DCDC1: variants seen among roughly 807,000 people sequenced by gnomAD.
The protein encoded by DCDC1 is doublecortin domain containing 1.
Under a neutral mutation model 178.3 loss-of-function variants are expected in DCDC1, and 200 were observed. That is an observed-to-expected ratio of 1.12 (90% CI 1.00 to 1.26). DCDC1 has a LOEUF of 1.26. Among genes scored for constraint, DCDC1 ranks in the 50% most tolerant of loss-of-function variants. DCDC1 has a pLI of 0.00. For missense variants in DCDC1, 1,983 were observed against 1,749.2 expected (o/e 1.13, Z -2.38); for synonymous variants, 690 against 604.8 (o/e 1.14, Z -2.07).
chr11:31,328,945 CTTTTTT>C (rs1176942329), intron 2 of DCDC1, among the ~76,000 whole-genome samples: 5 of 47,800 alleles, frequency 1.0e-4, no homozygotes, highest in African/African-American at 1.5e-4. Context: ...CACCACAAGG[CTTTTTT>C]TTTTTTTTTT....
At chr11:30,890,014 G>C (rs957601051) in intron 36 of DCDC1, among the ~76,000 whole-genome samples, 5 of 152,142 alleles carry the variant, frequency 3.3e-5, no homozygotes, top group African/African-American at 9.7e-5. Context: ...GAGACGCCAG[G>C]GTTCTTTCTC....
intron 11 of DCDC1, among the ~76,000 whole-genome samples, chr11:31,126,006 AC>A (rs2135925177): frequency 6.6e-6 from 1 of 152,242 alleles, no homozygotes; most frequent in African/African-American, 2.4e-5. Context: ...AGTATCTGTT[AC>A]CCAGCCCATG....
chr11:31,177,897 G>T (rs1216996380), intron 9 of DCDC1, among the ~76,000 whole-genome samples: 1 of 151,914 alleles, frequency 6.6e-6, no homozygotes, highest in Non-Finnish European at 1.5e-5. Flanking sequence ...AGATCTAAAA[G>T]GAGAGATAAA....
intron 20 of DCDC1, among the ~76,000 whole-genome samples, chr11:30,980,799 C>T (rs975908162): frequency 6.6e-6 from 1 of 152,088 alleles, no homozygotes. Flanking sequence ...GGATAGGGGC[C>T]TCTCCTAGAA....
intron 22 of DCDC1, 79 bp downstream of exon 22, chr11:30,931,692 A>G: frequency 7.2e-7 from 1 of 1,390,174 alleles, no homozygotes; most frequent in Non-Finnish European, 9.6e-7. Context: ...ATTCCCACAG[A>G]AAAACATCCA....
In DCDC1 at chr11:31,185,720, A is replaced by G. The variant is rs1227910292; in HGVS notation, c.1222-47936T>C. On this transcript the variant is annotated intron_variant, in intron 9 of 38. Transcript: ENST00000684477. ...CCCACACCAAGTTTTGTTTGTTGTC[A>G]AAGGTAAAGGTGCTTTGCTAGCATT... Among the ~76,000 whole-genome samples, 5 of 152,308 alleles carry G rather than the reference A, an allele frequency of 3.3e-5. No homozygotes were observed. The East Asian group carries it at 9.7e-4, about 29-fold the overall frequency.
intron 38 of DCDC1, among the ~76,000 whole-genome samples, chr11:30,865,887 G>T (rs1041443506): frequency 1.3e-5 from 2 of 152,154 alleles, no homozygotes; most frequent in African/African-American, 4.8e-5. Context: ...GTGCTATGAA[G>T]AAGGCTTGTG....
chr11:30,930,059 C>A (rs1946834970), intron 22 of DCDC1, among the ~76,000 whole-genome samples: 1 of 152,084 alleles, frequency 6.6e-6, no homozygotes, highest in Admixed American at 6.6e-5. Context: ...ATACTTCCAG[C>A]ATGATTTTGC....
At position 30,867,118 on chromosome 11, in the gene DCDC1, C is replaced by T. The variant is rs543850669; in HGVS notation, c.*41-1786G>A. ...CTAACTCAGTTGTCATCAGGAAAGTCATCCAAATAAGCGGCAACTAAACCA... is the reference window on the plus strand; with the variant it reads ...CTAACTCAGTTGTCATCAGGAAAGTTATCCAAATAAGCGGCAACTAAACCA... On this transcript the variant is annotated intron_variant, in intron 38 of 38. Transcript: ENST00000684477. Among the ~76,000 whole-genome samples, 7 of 152,326 alleles carry T rather than the reference C, an allele frequency of 4.6e-5. No homozygotes were observed. In the South Asian group the frequency reaches 1.5e-3, roughly 32 times the overall value.
intron 9 of DCDC1, among the ~76,000 whole-genome samples, chr11:31,211,828 A>G (rs1237511150): frequency 6.6e-6 from 1 of 152,180 alleles, no homozygotes; most frequent in Non-Finnish European, 1.5e-5. Context: ...CACACCTGTA[A>G]TCCCAGCACT....
intron 20 of DCDC1, among the ~76,000 whole-genome samples, chr11:30,997,071 AAAG>A (rs1165926940): frequency 6.6e-6 from 1 of 152,238 alleles, no homozygotes; most frequent in Non-Finnish European, 1.5e-5. Context: ...TTTGAGAAAA[AAAG>A]CCAGGCCTAA....
intron 23 of DCDC1, 139 bp from the exon 24 acceptor site, chr11:30,922,777 ACT>A: frequency 2.5e-5 from 20 of 802,188 alleles, no homozygotes; most frequent in Non-Finnish European, 3.1e-5. Flanking sequence ...ACTGTGTACC[ACT>A]CAGTACTTTC....
At chr11:30,953,759 A>G (rs1948575849) in intron 20 of DCDC1, among the ~76,000 whole-genome samples, 1 of 152,126 alleles carries the variant, frequency 6.6e-6, no homozygotes, top group South Asian at 2.1e-4. Context: ...ATTTGAAAGT[A>G]CGTATTCAAA....
In DCDC1 at chr11:30,942,530, C is replaced by T. The variant is rs11031251; in HGVS notation, c.2715+9915G>A. On this transcript the variant is annotated intron_variant, in intron 21 of 38. Transcript: ENST00000684477. ...AGGGAAAGGCAAAAGAAACAAGATT[C>T]TCCTTCATGCTTTGTCTGTGATACA... Among the ~76,000 whole-genome samples the T allele has an allele frequency of 0.022, 3,352 of 152,278 alleles. 330 individuals carry two copies. The East Asian group carries it at 0.32, about 15-fold the overall frequency.
chr11:31,104,297 A>G (rs1490146360), intron 13 of DCDC1, among the ~76,000 whole-genome samples: 1 of 152,148 alleles, frequency 6.6e-6, no homozygotes. Context: ...ACTATTGTAC[A>G]CTATGAGCCA....
chr11:31,005,811 T>A (rs1028702204), intron 20 of DCDC1, among the ~76,000 whole-genome samples: 1 of 152,020 alleles, frequency 6.6e-6, no homozygotes, highest in Non-Finnish European at 1.5e-5. Context: ...CACCTCCATA[T>A]ATTTCTAGCT....
intron 10 of DCDC1, among the ~76,000 whole-genome samples, chr11:31,135,020 A>T (rs914193012): frequency 1.3e-5 from 2 of 152,172 alleles, no homozygotes; most frequent in Middle Eastern, 3.2e-3. Flanking sequence ...TTTTAAAAAA[A>T]TTTTAAAAAA....
At chr11:31,014,593 T>C (rs898571687) in intron 20 of DCDC1, among the ~76,000 whole-genome samples, 4 of 152,206 alleles carry the variant, frequency 2.6e-5, no homozygotes, top group African/African-American at 7.2e-5. Flanking sequence ...GTAATTTTTA[T>C]ATAGCAAGAA....
At chr11:31,149,546 C>T (rs778572273) in intron 9 of DCDC1, among the ~76,000 whole-genome samples, 67 of 152,124 alleles carry the variant, frequency 4.4e-4, no homozygotes, top group Non-Finnish European at 7.4e-4. Context: ...TTGGCTTCCA[C>T]GCTGTGGAAG....
Sources: allele counts gnomAD v4.1 joint callset (sites outside exome capture counted in the v4.1 genomes callset), GRCh38; gene constraint gnomAD v4.1.1; transcripts MANE v1.5; gene names NCBI Gene and HGNC (gene_info 2026-07-23, HGNC 2026-07-21).